The following CD96 variants were observed in gnomAD, a reference collection of about 807,000 sequenced individuals.
The protein encoded by CD96 is T-cell surface protein tactile.
Under a neutral mutation model 71.3 loss-of-function variants are expected in CD96, and 70 were observed. The ratio of observed to expected loss-of-function variants is 0.98; its 90% CI spans 0.81 to 1.20. The LOEUF (loss-of-function observed/expected upper bound fraction) is 1.20. Ranked by LOEUF, CD96 falls within the 50% of genes most tolerant of loss-of-function variation. CD96 has a pLI of 0.00. For missense variants in CD96, 742 were observed against 677.5 expected (o/e 1.10, Z -1.06); for synonymous variants, 248 against 233.0 (o/e 1.06, Z -0.59).
chr3:111,581,943 A>G (rs1936485871), intron 4 of CD96, among the ~76,000 whole-genome samples: 1 of 152,214 alleles, frequency 6.6e-6, no homozygotes, highest in Non-Finnish European at 1.5e-5. Flanking sequence ...GAAGGAAGAT[A>G]AGAAAATGTA....
intron 5 of CD96, among the ~76,000 whole-genome samples, chr3:111,591,016 A>G (rs1425501002): frequency 1.3e-5 from 2 of 152,222 alleles, no homozygotes. Flanking sequence ...CATAGGAAAC[A>G]AAAGCAGTTT....
At chr3:111,661,844 C>T (rs1456445443) in intron 14 of CD96, among the ~76,000 whole-genome samples, 2 of 152,176 alleles carry the variant, frequency 1.3e-5, no homozygotes, top group Non-Finnish European at 2.9e-5. Context: ...GTGGATCTAC[C>T]ATTCTGGGGC....
At chr3:111,620,175 C>G (rs1357756241) in intron 8 of CD96, among the ~76,000 whole-genome samples, 3 of 152,202 alleles carry the variant, frequency 2.0e-5, no homozygotes, top group Admixed American at 6.5e-5. Context: ...TCCTGGGATT[C>G]TGACTGGGCT....
chr3:111,623,574 A>G (rs989016750), intron 8 of CD96, among the ~76,000 whole-genome samples, 180 bp from the exon 9 acceptor site: 3 of 152,206 alleles, frequency 2.0e-5, no homozygotes, highest in African/African-American at 7.2e-5. Context: ...GATATTGGAT[A>G]TTGATTATTT....
Position 111,650,913 on chromosome 3 carries a change from T to C in CD96, c.*1107T>C, listed in dbSNP as rs1940047598. On this transcript the variant is annotated 3_prime_UTR_variant, in exon 14 of 14. Coordinates refer to ENST00000352690, the MANE Select transcript of CD96 (RefSeq NM_005816.5). ...CCCTGCTCCAGGAGGGAAAAACAGA[T>C]GTTGTTGACAGATAGAGTGATAGGC... The C allele has an allele frequency of 6.6e-6, 1 of 152,244 alleles. No individual in the cohort carries two copies. The highest frequency in any genetic ancestry group is 2.1e-4 in the South Asian group (1 of 4,836). 9.4% of individuals were successfully genotyped at this position (152,244 alleles called of 1,614,324 possible). A position where few individuals can be genotyped will look rare whatever the true frequency, so the allele number is the denominator to read the frequency against.
At chr3:111,638,278 AACACACTGGC>A in intron 12 of CD96, 110 bp downstream of exon 12, 1 of 773,370 alleles carries the variant, frequency 1.3e-6, no homozygotes, top group Non-Finnish European at 2.4e-6. Context: ...ATATACAGTG[AACACACTGGC>A]TTTTTGAAGA....
chr3:111,585,438 C>T, intron 5 of CD96, 60 bp downstream of exon 5: 1 of 1,085,064 alleles, frequency 9.2e-7, no homozygotes, highest in Non-Finnish European at 1.4e-6. Context: ...TGTCAGGTTG[C>T]ATAGTTGCCA....
intron 5 of CD96, among the ~76,000 whole-genome samples, chr3:111,588,093 G>C (rs1936798899): frequency 1.3e-5 from 2 of 152,172 alleles, no homozygotes; most frequent in South Asian, 4.1e-4. Flanking sequence ...CAGAAAATGG[G>C]ATTTTCTTTT....
At chr3:111,553,154 G>T (rs1934803803) in intron 2 of CD96, among the ~76,000 whole-genome samples, 1 of 52,882 alleles carries the variant, frequency 1.9e-5, no homozygotes, top group African/African-American at 7.2e-5. Context: ...TATCCCATCA[G>T]CCTGATGTTA....
At chr3:111,609,013 C>A (rs936282303) in intron 8 of CD96, among the ~76,000 whole-genome samples, 21 of 152,118 alleles carry the variant, frequency 1.4e-4, no homozygotes, top group African/African-American at 4.8e-4. Context: ...TTTGAAAGTT[C>A]TTTGTGAGTT....
At chr3:111,656,936 C>T (rs141115753), downstream of CD96, among the ~76,000 whole-genome samples, 11 of 151,828 alleles carry the variant, frequency 7.2e-5, no homozygotes, top group African/African-American at 2.4e-4. Context: ...CCTGCATATA[C>T]CTTTCTGTAT....
At chr3:111,591,371 T>TAAAAAA (rs3082283) in intron 5 of CD96, among the ~76,000 whole-genome samples, 3 of 88,138 alleles carry the variant, frequency 3.4e-5, no homozygotes, top group Admixed American at 1.5e-4. Context: ...GACTCCATCT[T>TAAAAAA]AAAAAAAAAA....
At chr3:111,595,186 C>T (rs1197791701) in intron 5 of CD96, 3 of 155,650 alleles carry the variant, frequency 1.9e-5, no homozygotes, top group South Asian at 2.1e-4. Context: ...AAAAACAGCC[C>T]GACTTCTCTC....
intron 3 of CD96, among the ~76,000 whole-genome samples, chr3:111,573,778 A>G (rs1169660503): frequency 2.1e-5 from 3 of 144,888 alleles, no homozygotes; most frequent in Non-Finnish European, 3.2e-5. Flanking sequence ...TATTTGTGCT[A>G]TTTATGTTAA....
downstream of CD96, among the ~76,000 whole-genome samples, chr3:111,655,904 T>C (rs1205086533): frequency 1.3e-5 from 2 of 151,328 alleles, no homozygotes; most frequent in East Asian, 3.9e-4. Flanking sequence ...GTTTTATATA[T>C]ATGTATGCAT....
intron 2 of CD96, among the ~76,000 whole-genome samples, chr3:111,566,448 A>G (rs1038732733): frequency 6.6e-6 from 1 of 152,178 alleles, no homozygotes; most frequent in African/African-American, 2.4e-5. Context: ...ATAAATTTAA[A>G]TCACCTGTAG....
At chr3:111,564,410 TTGTGTTTC>T (rs1245507750) in intron 2 of CD96, among the ~76,000 whole-genome samples, 1 of 152,022 alleles carries the variant, frequency 6.6e-6, no homozygotes, top group Non-Finnish European at 1.5e-5. Context: ...GAATTAACTT[TTGTGTTTC>T]TGTGTTTCTG....
At chr3:111,544,852 G>A (rs1934303492) in intron 1 of CD96, among the ~76,000 whole-genome samples, 194 bp from the exon 2 acceptor site, 1 of 152,130 alleles carries the variant, frequency 6.6e-6, no homozygotes, top group Non-Finnish European at 1.5e-5. Context: ...GCTTCTCTAC[G>A]TAAATGCCTC....
chr3:111,550,217 GT>G (rs953774027), intron 2 of CD96, among the ~76,000 whole-genome samples: 1 of 152,036 alleles, frequency 6.6e-6, no homozygotes, highest in African/African-American at 2.4e-5. Flanking sequence ...AAAACATGAA[GT>G]TTTTTTTATC....
Sources: gnomAD v4.1 joint callset for allele counts (sites outside exome capture counted in the v4.1 genomes callset) on GRCh38, gnomAD v4.1.1 for gene constraint, MANE v1.5 for transcripts, NCBI Gene and HGNC (gene_info 2026-07-23, HGNC 2026-07-21) for gene names.